The following PLXNA2 variants were observed in gnomAD, a reference collection of about 807,000 sequenced individuals.
PLXNA2 encodes the protein plexin-A2.
A neutral mutation model predicts 193.5 loss-of-function variants in PLXNA2; 91 were observed. That is an observed-to-expected ratio of 0.47 (90% CI 0.40 to 0.56). The LOEUF (loss-of-function observed/expected upper bound fraction) is 0.56. Ranked by LOEUF, PLXNA2 falls within the 20% of genes least tolerant of loss-of-function variation. The probability of loss-of-function intolerance (pLI) is 0.00; values close to 1 mark genes in which losing one functional copy is unlikely to be tolerated. For missense variants in PLXNA2, 1,995 were observed against 2,503.2 expected (o/e 0.80, Z 4.33); for synonymous variants, 997 against 1,027.3 (o/e 0.97, Z 0.56).
chr1:208,148,581 T>C (rs1020555153), intron 3 of PLXNA2, among the ~76,000 whole-genome samples: 1 of 152,224 alleles, frequency 6.6e-6, no homozygotes, highest in African/African-American at 2.4e-5. Context: ...ATGTCAGTAC[T>C]GTCCAATATT....
chr1:208,067,043 AG>A (rs1665820248), intron 12 of PLXNA2, among the ~76,000 whole-genome samples: 2 of 152,206 alleles, frequency 1.3e-5, no homozygotes, highest in Admixed American at 6.5e-5. Context: ...AAGTCTATAA[AG>A]TAAAAAGTTA....
At chr1:208,042,922 T>C (rs1416503390) in intron 21 of PLXNA2, 139 bp downstream of exon 21, 1 of 784,840 alleles carries the variant, frequency 1.3e-6, no homozygotes, top group African/African-American at 1.7e-5. Context: ...GATAGCTCTG[T>C]TGCTGAGATG....
intron 3 of PLXNA2, among the ~76,000 whole-genome samples, chr1:208,170,594 C>A (rs912356517): frequency 1.3e-5 from 2 of 152,182 alleles, no homozygotes; most frequent in African/African-American, 4.8e-5. Context: ...TTCAACCAAG[C>A]ACAAGAAAAT....
At chr1:208,155,640 A>G (rs1668915069) in intron 3 of PLXNA2, among the ~76,000 whole-genome samples, 2 of 152,220 alleles carry the variant, frequency 1.3e-5, no homozygotes, top group South Asian at 4.1e-4. Flanking sequence ...TGGGGAGGGC[A>G]GGACCAAGGG....
intron 1 of PLXNA2, among the ~76,000 whole-genome samples, chr1:208,231,349 G>A (rs1671686717): frequency 6.6e-6 from 1 of 152,092 alleles, no homozygotes. Flanking sequence ...CAGGAGGGAA[G>A]CGGGAGGGAG....
Position 208,026,796 on chromosome 1 carries a change from A to G in PLXNA2, c.*447T>C, listed in dbSNP as rs1380376381. On this transcript the variant is annotated 3_prime_UTR_variant, in exon 32 of 32. Coordinates refer to ENST00000367033, the MANE Select transcript of PLXNA2 (RefSeq NM_025179.4). ...GGGAGAAAAGATGGAAGGGAGACAG[A>G]AATCAGAATTAAACAAAAGTTGGAC... 1 of 152,836 alleles carries G rather than the reference A, an allele frequency of 6.5e-6. No individual in the cohort carries two copies. Among genetic ancestry groups the G allele is most frequent in the Non-Finnish European group, 1.5e-5 (1 of 68,208 alleles). The allele number at this position is 152,836 out of a possible 1,614,324, so 9.5% of individuals were successfully genotyped here.
At chr1:208,213,567 T>A (rs897966665) in intron 2 of PLXNA2, among the ~76,000 whole-genome samples, 2 of 152,254 alleles carry the variant, frequency 1.3e-5, no homozygotes, top group African/African-American at 4.8e-5. Flanking sequence ...TGCTATTCAA[T>A]GAGTGATAGC....
intron 12 of PLXNA2, among the ~76,000 whole-genome samples, chr1:208,068,925 T>C (rs1463326834): frequency 6.6e-6 from 1 of 152,244 alleles, no homozygotes; most frequent in Non-Finnish European, 1.5e-5. Flanking sequence ...AGAGCACTGA[T>C]ATCTATTGAC....
At chr1:208,198,318 G>A (rs1384689663) in intron 3 of PLXNA2, among the ~76,000 whole-genome samples, 2 of 152,288 alleles carry the variant, frequency 1.3e-5, no homozygotes, top group South Asian at 2.1e-4. Context: ...GCTCTGAATG[G>A]GTATGACTGG....
At chr1:208,191,289 A>AGATG in intron 3 of PLXNA2, among the ~76,000 whole-genome samples, 1 of 152,302 alleles carries the variant, frequency 6.6e-6, no homozygotes, top group East Asian at 1.9e-4. Flanking sequence ...TGGGGCAGAG[A>AGATG]GATGGCTCCT....
At chr1:208,145,240 T>C (rs1006770413) in intron 3 of PLXNA2, among the ~76,000 whole-genome samples, 11 of 152,264 alleles carry the variant, frequency 7.2e-5, no homozygotes, top group African/African-American at 2.6e-4. Context: ...GCCCCTCCTC[T>C]GAAGGGAAAG....
chr1:208,038,286 T>C lies in PLXNA2; in HGVS notation c.4764+85A>G. 1 of 925,676 alleles carries C rather than the reference T, an allele frequency of 1.1e-6. No homozygotes were observed. Among genetic ancestry groups the C allele is most frequent in the Non-Finnish European group, 1.8e-6 (1 of 559,938 alleles). The allele number at this position is 925,676 out of a possible 1,614,324, so 57.3% of individuals were successfully genotyped here. A position where few individuals can be genotyped will look rare whatever the true frequency, so the allele number is the denominator to read the frequency against. ...GAAAGCAGGGAGAGGAAAATCCTTT[T>C]TAGACTTTTGAGGCCTTAGAGCAAG... On this transcript the variant is annotated intron_variant, in intron 26 of 31. Transcript: ENST00000367033. The surrounding 1 kb of genome is among the most constrained non-coding windows in gnomAD (Gnocchi z 4.1).
chr1:208,118,118 C>T (rs1667695107), intron 4 of PLXNA2, among the ~76,000 whole-genome samples: 1 of 152,190 alleles, frequency 6.6e-6, no homozygotes, highest in Non-Finnish European at 1.5e-5. Flanking sequence ...GACTGCTGTT[C>T]CTCACTAGCA....
intron 2 of PLXNA2, among the ~76,000 whole-genome samples, chr1:208,211,793 T>A (rs900824458): frequency 6.6e-6 from 1 of 152,058 alleles, no homozygotes; most frequent in African/African-American, 2.4e-5. Context: ...ACAAGCAGGG[T>A]CCTCTTGTAG....
At chr1:208,054,077 C>A (rs2102339084) in intron 14 of PLXNA2, among the ~76,000 whole-genome samples, 1 of 152,322 alleles carries the variant, frequency 6.6e-6, no homozygotes, top group Admixed American at 6.5e-5. Flanking sequence ...TAGAATTAGA[C>A]TAAGATATTA....
intron 9 of PLXNA2, among the ~76,000 whole-genome samples, chr1:208,084,990 C>T (rs552936406): frequency 1.1e-4 from 17 of 152,204 alleles, no homozygotes; most frequent in African/African-American, 4.1e-4. Flanking sequence ...CTGGGGCATC[C>T]GTTATCAGCA....
chr1:208,027,719 A>G (rs1209018431), intron 31 of PLXNA2, among the ~76,000 whole-genome samples: 1 of 152,274 alleles, frequency 6.6e-6, no homozygotes, highest in Non-Finnish European at 1.5e-5. Flanking sequence ...AATGCAAAGA[A>G]TAGTTTGATT....
At position 208,048,631 on chromosome 1, in the gene PLXNA2, G is replaced by C. The variant is rs867519608; in HGVS notation, c.3255+2378C>G. On this transcript the variant is annotated intron_variant, in intron 17 of 31. Transcript: ENST00000367033. Reference sequence around the variant, plus strand: ...ACTGTAAATGAGTCCTGGTGAGGGAGCAGGGGGCTTGGGACCTGAGTCTTT... The same window carrying C: ...ACTGTAAATGAGTCCTGGTGAGGGACCAGGGGGCTTGGGACCTGAGTCTTT... Among the ~76,000 whole-genome samples the C allele has an allele frequency of 3.9e-5, 6 of 152,202 alleles. No individual in the cohort carries two copies. The South Asian group carries it at 6.2e-4, about 16-fold the overall frequency.
intron 2 of PLXNA2, among the ~76,000 whole-genome samples, chr1:208,213,228 C>A (rs111605931): frequency 6.6e-6 from 1 of 152,098 alleles, no homozygotes; most frequent in Non-Finnish European, 1.5e-5. Context: ...CTTTCCTCCT[C>A]AAGTTGTTTT....
Sources: gnomAD v4.1 joint callset for allele counts (sites outside exome capture counted in the v4.1 genomes callset) on GRCh38, gnomAD v4.1.1 for gene constraint, Gnocchi (gnomAD v3.1) non-coding constraint, MANE v1.5 for transcripts, NCBI Gene and HGNC (gene_info 2026-07-23, HGNC 2026-07-21) for gene names.